EXOC4: variants seen among roughly 807,000 people sequenced by gnomAD.
EXOC4 encodes exocyst complex component 4, also known as SEC8-like 1.
EXOC4 carries 71 observed loss-of-function variants against 107.2 expected under a neutral mutation model. The observed-to-expected ratio is 0.66, with a 90% CI of 0.55 to 0.81. The LOEUF (loss-of-function observed/expected upper bound fraction) is 0.81, where lower values mean the gene tolerates loss of function less well. Among genes scored for constraint, EXOC4 ranks in the 30% least tolerant of loss-of-function variants. The pLI, the probability that EXOC4 is intolerant of heterozygous loss-of-function variation, is 0.00. For missense variants in EXOC4, 1,108 were observed against 1,189.6 expected (o/e 0.93, Z 1.01); for synonymous variants, 456 against 441.2 (o/e 1.03, Z -0.42).
At chr7:133,709,651 T>C (rs988210915) in intron 10 of EXOC4, among the ~76,000 whole-genome samples, 12 of 145,086 alleles carry the variant, frequency 8.3e-5, no homozygotes, top group Non-Finnish European at 1.2e-4. Flanking sequence ...TTTTCTTTTT[T>C]TTTTTTTTTT....
chr7:133,865,737 G>A (rs1327175422), intron 11 of EXOC4, among the ~76,000 whole-genome samples: 1 of 152,164 alleles, frequency 6.6e-6, no homozygotes, highest in Non-Finnish European at 1.5e-5. Context: ...AGAGCAAAGA[G>A]GGAAGTGCTA....
Position 133,275,184 on chromosome 7 carries a change from T to C in EXOC4, c.276+13T>C. ...TAAAATAAAGCAGGTATTCCTCCTT[T>C]CTGGTCTGATGGTGGCAGCACTTCC... On this transcript the variant is annotated intron_variant, in intron 2 of 17. Transcript: ENST00000253861. 1 of 1,573,596 alleles carries C rather than the reference T, an allele frequency of 6.4e-7. No homozygotes were observed. Among genetic ancestry groups the C allele is most frequent in the Non-Finnish European group, 8.6e-7 (1 of 1,157,032 alleles).
intron 1 of EXOC4, among the ~76,000 whole-genome samples, chr7:133,262,874 A>G (rs927536222): frequency 1.3e-5 from 2 of 151,796 alleles, no homozygotes; most frequent in East Asian, 1.9e-4. Flanking sequence ...CCCAAATCTC[A>G]TCTTGAATTG....
intron 7 of EXOC4, among the ~76,000 whole-genome samples, chr7:133,474,209 C>A (rs186167657): frequency 6.6e-6 from 1 of 152,004 alleles, no homozygotes; most frequent in African/African-American, 2.4e-5. Context: ...TAATTTGCTG[C>A]CTTTTGTTTT....
the EXOC4 span, among the ~76,000 whole-genome samples, chr7:134,091,757 ACT>A: frequency 2.7e-3 from 404 of 152,270 alleles, 6 homozygotes; most frequent in African/African-American, 8.9e-3. Context: ...TTCTAGTAGC[ACT>A]GTTTCTGAGC....
At chr7:133,580,165 A>G (rs1296840167) in intron 9 of EXOC4, among the ~76,000 whole-genome samples, 1 of 152,208 alleles carries the variant, frequency 6.6e-6, no homozygotes, top group African/African-American at 2.4e-5. Context: ...TAATATTCCA[A>G]AGTATGTATA....
chr7:133,319,548 G>C (rs1184243917), intron 5 of EXOC4, among the ~76,000 whole-genome samples: 1 of 152,084 alleles, frequency 6.6e-6, no homozygotes, highest in Non-Finnish European at 1.5e-5. Context: ...GGAGTGCAGT[G>C]GTGCGATCTC....
At chr7:133,389,949 G>C (rs1472768432) in intron 7 of EXOC4, among the ~76,000 whole-genome samples, 1 of 150,366 alleles carries the variant, frequency 6.7e-6, no homozygotes, top group Non-Finnish European at 1.5e-5. Context: ...AAAACCATCA[G>C]GTCTCATGAG....
At chr7:133,788,268 T>C (rs539696266) in intron 10 of EXOC4, among the ~76,000 whole-genome samples, 9 of 151,754 alleles carry the variant, frequency 5.9e-5, no homozygotes, top group Admixed American at 2.6e-4. Flanking sequence ...ATCTAAACTT[T>C]TATTGCAGTG....
intron 7 of EXOC4, among the ~76,000 whole-genome samples, chr7:133,418,313 A>G (rs886955742): frequency 1.3e-5 from 2 of 152,214 alleles, no homozygotes; most frequent in African/African-American, 4.8e-5. Flanking sequence ...AGGAATGGCA[A>G]AGTGGCTTCA....
At chr7:134,029,588 C>T (rs560433249) in intron 17 of EXOC4, among the ~76,000 whole-genome samples, 57 of 152,280 alleles carry the variant, frequency 3.7e-4, no homozygotes, top group African/African-American at 1.2e-3. Flanking sequence ...GGTGTGATCA[C>T]GGCTCACTGC....
At chr7:133,845,024 A>G (rs940770011) in intron 11 of EXOC4, among the ~76,000 whole-genome samples, 5 of 152,176 alleles carry the variant, frequency 3.3e-5, no homozygotes, top group Admixed American at 6.5e-5. Context: ...GTATCTTAAC[A>G]TTGAAATTTG....
chr7:133,763,587 A>G (rs896566864), intron 10 of EXOC4, among the ~76,000 whole-genome samples: 1 of 152,166 alleles, frequency 6.6e-6, no homozygotes, highest in South Asian at 2.1e-4. Flanking sequence ...TTAATACACA[A>G]GTTTTTGAAT....
chr7:133,515,047 AT>A (rs1799846797), intron 9 of EXOC4, among the ~76,000 whole-genome samples: 1 of 152,074 alleles, frequency 6.6e-6, no homozygotes, highest in African/African-American at 2.4e-5. Flanking sequence ...CAAAATAACA[AT>A]TTTTTAGAGC....
intron 14 of EXOC4, among the ~76,000 whole-genome samples, chr7:133,967,415 A>C (rs1801096613): frequency 6.6e-6 from 1 of 151,658 alleles, no homozygotes; most frequent in African/African-American, 2.4e-5. Context: ...TTTAATTGTG[A>C]TGTTAGGGTC....
At chr7:133,870,875 T>C (rs1288767215) in intron 11 of EXOC4, among the ~76,000 whole-genome samples, 1 of 152,210 alleles carries the variant, frequency 6.6e-6, no homozygotes, top group African/African-American at 2.4e-5. Flanking sequence ...TCTGCATTTA[T>C]TTCCTAGCCA....
intron 1 of EXOC4, among the ~76,000 whole-genome samples, chr7:133,270,935 T>TG (rs1396332007): frequency 4.6e-5 from 7 of 151,676 alleles, no homozygotes; most frequent in Admixed American, 1.3e-4. Flanking sequence ...TTTTTTTTTT[T>TG]TGAGATGGAG....
chr7:134,024,400 G>A (rs1239686124), intron 17 of EXOC4, among the ~76,000 whole-genome samples: 5 of 151,336 alleles, frequency 3.3e-5, no homozygotes, highest in South Asian at 2.1e-4. Flanking sequence ...CCAGTGAGCC[G>A]AGATCGCGCC....
intron 10 of EXOC4, among the ~76,000 whole-genome samples, chr7:133,655,859 G>A (rs148529326): frequency 5.3e-5 from 8 of 152,332 alleles, no homozygotes; most frequent in Non-Finnish European, 7.4e-5. Context: ...TGGTAAATAC[G>A]TAAACCAGTG....
Sources: allele counts gnomAD v4.1 joint callset (sites outside exome capture counted in the v4.1 genomes callset), GRCh38; gene constraint gnomAD v4.1.1; transcripts MANE v1.5; gene names NCBI Gene and HGNC (gene_info 2026-07-23, HGNC 2026-07-21).